LHCGR: variants seen among roughly 807,000 people sequenced by gnomAD.
The protein encoded by LHCGR is lutropin-choriogonadotropic hormone receptor.
Under a neutral mutation model 60.7 loss-of-function variants are expected in LHCGR, and 55 were observed. That is an observed-to-expected ratio of 0.91 (90% CI 0.73 to 1.13). The LOEUF (loss-of-function observed/expected upper bound fraction) is 1.13, where lower values mean the gene tolerates loss of function less well. Among genes scored for constraint, LHCGR ranks in the 50% most tolerant of loss-of-function variants. The pLI, the probability that LHCGR is intolerant of heterozygous loss-of-function variation, is 0.00. For missense variants in LHCGR, 862 were observed against 836.0 expected (o/e 1.03, Z -0.38); for synonymous variants, 337 against 316.5 (o/e 1.06, Z -0.69).
In LHCGR at chr2:48,688,371, G is replaced by T. The variant is rs781318214; in HGVS notation, c.1426C>A (p.Gln476Lys). 3 of 1,614,124 alleles carry T rather than the reference G, an allele frequency of 1.9e-6. No homozygotes were observed. The highest frequency in any genetic ancestry group is 2.5e-6 in the Non-Finnish European group (3 of 1,180,034). Reference protein sequence around the residue: ...HTITYAIHLDQKLRLRHAILI... With the variant: ...HTITYAIHLDKKLRLRHAILI... ...ATGGCATGTCTTAATCGCAGCTTTT[G>T]GTCCAGGTGAATAGCATAGGTGATG... The change falls in exon 11 of 11, where the codon CAA becomes AAA. Residue 476 changes from glutamine to lysine, a missense_variant. Physicochemically the swap from Gln to Lys is moderately conservative, Grantham distance 53 (BLOSUM62 1). Transcript: ENST00000294954. This position sits in a 1 kb window ranked among gnomAD's most constrained non-coding sequence, Gnocchi z 5.2.
chr2:48,711,307 CT>C (rs1273280978), intron 7 of LHCGR, among the ~76,000 whole-genome samples: 1 of 152,066 alleles, frequency 6.6e-6, no homozygotes, highest in Non-Finnish European at 1.5e-5. Context: ...CTGTTATTTG[CT>C]TTTTTTTGTC....
chr2:48,746,009 G>C (rs1460714461), intron 1 of LHCGR, among the ~76,000 whole-genome samples: 1 of 151,896 alleles, frequency 6.6e-6, no homozygotes, highest in African/African-American at 2.4e-5. Context: ...AGCCAGCCTG[G>C]GTTCAAATCA....
In LHCGR at chr2:48,734,149, G is replaced by T. The variant is rs541263207; in HGVS notation, c.162-2851C>A. On this transcript the variant is annotated intron_variant, in intron 1 of 10. Coordinates refer to ENST00000294954, the MANE Select transcript of LHCGR (RefSeq NM_000233.4). ...TGAGGGAGTATGTAAAATTTGGACC[G>T]TACACACCTAACTGAATAGGAGAGC... is the stretch of plus-strand genomic sequence containing the variant. Among the ~76,000 whole-genome samples, 15 of 152,226 alleles carry T rather than the reference G, an allele frequency of 9.9e-5. No homozygotes were observed. In the South Asian group the frequency reaches 2.9e-3, roughly 29 times the overall value.
intron 1 of LHCGR, among the ~76,000 whole-genome samples, chr2:48,751,762 A>G (rs1464581014): frequency 6.6e-6 from 1 of 152,250 alleles, no homozygotes; most frequent in Non-Finnish European, 1.5e-5. Context: ...TTTGCCATTG[A>G]AAGTAATGGC....
chr2:48,691,393 GA>G (rs1457352918), intron 10 of LHCGR, among the ~76,000 whole-genome samples: 6 of 152,294 alleles, frequency 3.9e-5, no homozygotes, highest in African/African-American at 1.4e-4. Flanking sequence ...GACCGCATAG[GA>G]ACCTCTCGTG....
chr2:48,688,551 C>G lies in LHCGR; in HGVS notation c.1246G>C (p.Ala416Pro). ...FCMGLYLLLIASVDSQTKGQY... is the reference protein window; with the variant it reads ...FCMGLYLLLIPSVDSQTKGQY... ...CCCTTGGTTTGGGAATCAACTGAGG[C>G]TATGAGCAGCAGATAGAGCCCCATG... Residue 416 changes from alanine (A) to proline (P), a missense_variant, in exon 11 of 11, where the codon GCC becomes CCC. Ala to Pro is a conservative substitution (Grantham distance 27). Coordinates refer to ENST00000294954, the MANE Select transcript of LHCGR (RefSeq NM_000233.4). The surrounding 1 kb of genome is among the most constrained non-coding windows in gnomAD (Gnocchi z 5.2). 6.2e-7 allele frequency: 1 copy of G among 1,614,026 alleles called. No individual in the cohort carries two copies. The highest frequency in any genetic ancestry group is 8.5e-7 in the Non-Finnish European group (1 of 1,180,024).
chr2:48,690,453 A>C (rs952811385), intron 10 of LHCGR, among the ~76,000 whole-genome samples: 6 of 152,224 alleles, frequency 3.9e-5, no homozygotes, highest in Non-Finnish European at 8.8e-5. Context: ...TTGTGCTAAG[A>C]GTTGAATGCA....
chr2:48,710,571 A>G (rs968160391), intron 7 of LHCGR, among the ~76,000 whole-genome samples: 4 of 152,208 alleles, frequency 2.6e-5, no homozygotes, highest in African/African-American at 4.8e-5. Context: ...AATTCTCCCA[A>G]TGATGTGACC....
chr2:48,742,566 A>C (rs1388148717), intron 1 of LHCGR, among the ~76,000 whole-genome samples: 1 of 151,896 alleles, frequency 6.6e-6, no homozygotes, highest in Non-Finnish European at 1.5e-5. Flanking sequence ...CTACATGGAA[A>C]CTGAACAACC....
chr2:48,743,214 C>T (rs1037320520), intron 1 of LHCGR, among the ~76,000 whole-genome samples: 18 of 151,828 alleles, frequency 1.2e-4, no homozygotes, highest in Non-Finnish European at 2.2e-4. Context: ...GCTTACCAAC[C>T]AAAAAGAGTC....
In LHCGR at chr2:48,687,714, G is replaced by C; in HGVS notation, c.2083C>G (p.Arg695Gly). The change falls in exon 11 of 11, where the codon CGC (arginine) becomes GGC (glycine). Residue 695 changes from arginine (R) to glycine (G), a missense_variant. Transcript: ENST00000294954. ...CQGTALLDKT[R>G]YTEC ...TGTAACAGTTAACACTCTGTGTAGC[G>C]AGTCTTGTCTAGGAGAGCTGTACCT... 6.2e-7 allele frequency: 1 copy of C among 1,613,504 alleles called. No homozygotes were observed. The highest frequency in any genetic ancestry group is 8.5e-7 in the Non-Finnish European group (1 of 1,179,502).
chr2:48,705,510 A>G (rs1192289407), intron 8 of LHCGR, among the ~76,000 whole-genome samples: 1 of 152,058 alleles, frequency 6.6e-6, no homozygotes, highest in Non-Finnish European at 1.5e-5. Context: ...TCCCATTATT[A>G]TTGTGTGGGA....
At chr2:48,730,663 A>G (rs1183938552) in intron 2 of LHCGR, among the ~76,000 whole-genome samples, 1 of 152,206 alleles carries the variant, frequency 6.6e-6, no homozygotes, top group East Asian at 1.9e-4. Flanking sequence ...AAGTATGGGA[A>G]CTTTGGTCCT....
intron 7 of LHCGR, 76 bp from the exon 8 acceptor site, chr2:48,709,098 T>C (rs1254459445): frequency 1.8e-6 from 2 of 1,117,600 alleles, no homozygotes. Context: ...TACACATGTT[T>C]AGACCAAGCT....
intron 1 of LHCGR, among the ~76,000 whole-genome samples, chr2:48,746,626 G>A (rs1489645589): frequency 6.6e-6 from 1 of 152,200 alleles, no homozygotes; most frequent in Non-Finnish European, 1.5e-5. Flanking sequence ...GAACCAAGAT[G>A]TTAAGAAGAT....
At chr2:48,721,726 C>G (rs1558860262) in intron 6 of LHCGR, 2 of 471,136 alleles carry the variant, frequency 4.2e-6, no homozygotes, top group Admixed American at 4.7e-5. Flanking sequence ...CATGTTTTCT[C>G]TTTTTTCTTT....
At chr2:48,734,213 G>C (rs1428824884) in intron 1 of LHCGR, among the ~76,000 whole-genome samples, 3 of 152,174 alleles carry the variant, frequency 2.0e-5, no homozygotes, top group African/African-American at 7.2e-5. Flanking sequence ...AGAGTAGCAT[G>C]GGTGGATCTT....
At chr2:48,708,394 C>T (rs1331246418) in intron 8 of LHCGR, among the ~76,000 whole-genome samples, 1 of 152,170 alleles carries the variant, frequency 6.6e-6, no homozygotes, top group African/African-American at 2.4e-5. Flanking sequence ...TATCCTCCAG[C>T]TAAAATTCAT....
chr2:48,723,404 T>G (rs1668584925), intron 6 of LHCGR, 52 bp downstream of exon 6: 112 of 1,257,816 alleles, frequency 8.9e-5, no homozygotes, highest in Non-Finnish European at 1.2e-4. Flanking sequence ...AACCTAGTAG[T>G]GAGACTAGCA....
Sources: allele counts gnomAD v4.1 joint callset (sites outside exome capture counted in the v4.1 genomes callset), GRCh38; gene constraint gnomAD v4.1.1; non-coding constraint Gnocchi (gnomAD v3.1); transcripts MANE v1.5; gene names NCBI Gene and HGNC (gene_info 2026-07-23, HGNC 2026-07-21).